The following SDK1 variants were observed in gnomAD, a reference collection of about 807,000 sequenced individuals.
SDK1 encodes the protein sidekick cell adhesion molecule 1.
Under a neutral mutation model 245.5 loss-of-function variants are expected in SDK1, and 157 were observed. That is an observed-to-expected ratio of 0.64 (90% CI 0.56 to 0.73). SDK1 has a LOEUF of 0.73. Ranked by LOEUF, SDK1 falls within the 30% of genes least tolerant of loss-of-function variation. The pLI, the probability that SDK1 is intolerant of heterozygous loss-of-function variation, is 0.00. For synonymous variants in SDK1, 1,647 were observed against 1,278.5 expected, an observed-to-expected ratio of 1.29 and a Z score of -6.15; for missense variants, 3,583 against 3,002.3, an observed-to-expected ratio of 1.19 and a Z score of -4.52.
Position 3,642,042 on chromosome 7 carries a change from G to C in SDK1, c.650G>C (p.Ser217Thr). 1.2e-6 allele frequency: 2 copies of C among 1,614,134 alleles called. No individual in the cohort carries two copies. The highest frequency in any genetic ancestry group is 1.3e-5 in the African/African-American group (1 of 75,050). ...ATTCTAAACCTGCTGCCCATCACCAGCTACCCCAGACCTCAAGTGACTTGG... is the reference window on the plus strand; with the variant it reads ...ATTCTAAACCTGCTGCCCATCACCACCTACCCCAGACCTCAAGTGACTTGG... ...AAILNLLPIT[S>T]YPRPQVTWFR... The change falls in exon 4 of 45, where the codon AGC becomes ACC. Residue 217 changes from serine (S) to threonine (T), a missense_variant. Ser to Thr is a moderately conservative substitution (Grantham distance 58, BLOSUM62 1). Coordinates refer to ENST00000404826, the MANE Select transcript of SDK1 (RefSeq NM_152744.4).
chr7:3,982,691 T>A (rs1259473169), intron 13 of SDK1, among the ~76,000 whole-genome samples: 2 of 151,994 alleles, frequency 1.3e-5, no homozygotes. Flanking sequence ...ATACAAAAAA[T>A]TAGCCGGGCT....
chr7:3,752,409 T>C (rs10232141), intron 4 of SDK1, among the ~76,000 whole-genome samples: 54,823 of 152,064 alleles, frequency 0.36, 12,086 homozygotes, highest in African/African-American at 0.63. Context: ...TAATGCCATC[T>C]GACCTCAAGA....
At chr7:3,536,774 T>A (rs1203350298) in intron 1 of SDK1, among the ~76,000 whole-genome samples, 1 of 152,162 alleles carries the variant, frequency 6.6e-6, no homozygotes, top group African/African-American at 2.4e-5. Context: ...TAACAATACT[T>A]GTATTCGTTG....
intron 4 of SDK1, among the ~76,000 whole-genome samples, chr7:3,665,355 T>C (rs1206299779): frequency 6.6e-6 from 1 of 152,240 alleles, no homozygotes; most frequent in African/African-American, 2.4e-5. Flanking sequence ...AGAGAAAACT[T>C]GCATGAATCT....
At chr7:4,232,659 T>C (rs969775948) in intron 40 of SDK1, among the ~76,000 whole-genome samples, 13 of 151,974 alleles carry the variant, frequency 8.6e-5, no homozygotes, top group African/African-American at 2.9e-4. Flanking sequence ...TATATATGTT[T>C]CCCTGTGTTG....
chr7:3,316,569 A>T (rs1779667202), intron 1 of SDK1, among the ~76,000 whole-genome samples: 1 of 152,200 alleles, frequency 6.6e-6, no homozygotes, highest in African/African-American at 2.4e-5. Flanking sequence ...TTGGAGCATT[A>T]TGTATATATG....
intron 13 of SDK1, among the ~76,000 whole-genome samples, chr7:3,981,442 C>T (rs565861863): frequency 2.0e-5 from 3 of 150,222 alleles, no homozygotes; most frequent in African/African-American, 7.3e-5. Flanking sequence ...GAGGGTTGTA[C>T]GTCTCTCACT....
At chr7:3,915,065 T>A (rs1188710824) in intron 5 of SDK1, among the ~76,000 whole-genome samples, 2 of 152,202 alleles carry the variant, frequency 1.3e-5, no homozygotes, top group Non-Finnish European at 1.5e-5. Context: ...ATTATTCTCT[T>A]GTACGGCCGT....
At chr7:3,391,156 G>A (rs1781738654) in intron 1 of SDK1, among the ~76,000 whole-genome samples, 1 of 152,152 alleles carries the variant, frequency 6.6e-6, no homozygotes, top group Non-Finnish European at 1.5e-5. Context: ...GACAAAAATG[G>A]ACTAGAAGGA....
chr7:3,769,640 C>G (rs987052151), intron 4 of SDK1, among the ~76,000 whole-genome samples: 8 of 152,066 alleles, frequency 5.3e-5, no homozygotes, highest in African/African-American at 1.9e-4. Context: ...ACTGGAATAT[C>G]AGGACCAGGA....
chr7:3,316,549 T>C (rs1779666854), intron 1 of SDK1, among the ~76,000 whole-genome samples: 1 of 152,208 alleles, frequency 6.6e-6, no homozygotes, highest in South Asian at 2.1e-4. Flanking sequence ...CAATATAATA[T>C]AAATGTAAAT....
intron 4 of SDK1, among the ~76,000 whole-genome samples, chr7:3,762,996 C>T (rs193099318): frequency 9.2e-5 from 14 of 152,172 alleles, no homozygotes; most frequent in South Asian, 6.2e-4. Context: ...TTGCTTGGCA[C>T]GTGATAGGAA....
chr7:4,060,102 C>CG (rs1779440094), intron 19 of SDK1, among the ~76,000 whole-genome samples: 1 of 151,980 alleles, frequency 6.6e-6, no homozygotes, highest in Non-Finnish European at 1.5e-5. Flanking sequence ...AGGATGGTCT[C>CG]GATCTCCTGA....
rs556631325 is a variant in SDK1 at position 3,702,280 on chromosome 7, A to G, written c.713+60175A>G. Among the ~76,000 whole-genome samples the G allele has an allele frequency of 7.9e-5, 12 of 152,366 alleles. 1 individual carries two copies. Among genetic ancestry groups the G allele is most frequent in the South Asian group, 6.2e-4 (3 of 4,830 alleles). Reference sequence around the variant, plus strand: ...CATAAAGATTTCTCAAAATTCTACAATTAAAAAAATCTAATGCTAAAATGG... The same window carrying G: ...CATAAAGATTTCTCAAAATTCTACAGTTAAAAAAATCTAATGCTAAAATGG... On this transcript the variant is annotated intron_variant, in intron 4 of 44. Transcript: ENST00000404826.
intron 5 of SDK1, among the ~76,000 whole-genome samples, chr7:3,853,145 T>TG (rs1780459934): frequency 6.6e-6 from 1 of 150,568 alleles, no homozygotes; most frequent in Non-Finnish European, 1.5e-5. Context: ...CACACTTGGT[T>TG]GAAAAAAAAA....
intron 13 of SDK1, among the ~76,000 whole-genome samples, chr7:3,981,173 A>C (rs1347546985): frequency 6.6e-6 from 1 of 152,130 alleles, no homozygotes; most frequent in African/African-American, 2.4e-5. Flanking sequence ...CTTTGTCACT[A>C]TGATTGTATC....
chr7:3,584,270 T>G (rs913326254), intron 1 of SDK1, among the ~76,000 whole-genome samples: 1 of 152,074 alleles, frequency 6.6e-6, no homozygotes, highest in Non-Finnish European at 1.5e-5. Flanking sequence ...GACCATGAGA[T>G]CTATTTGAAT....
chr7:3,712,138 C>G (rs894711763), intron 4 of SDK1, among the ~76,000 whole-genome samples: 2 of 152,102 alleles, frequency 1.3e-5, no homozygotes, highest in African/African-American at 4.8e-5. Flanking sequence ...GGCTGCACAG[C>G]AGGAGGCGCA....
At chr7:3,481,115 T>C (rs1781509216) in intron 1 of SDK1, among the ~76,000 whole-genome samples, 6 of 152,206 alleles carry the variant, frequency 3.9e-5, no homozygotes, top group Admixed American at 3.9e-4. Context: ...ATTTTTACCA[T>C]TTTATTTTGT....
Sources: gnomAD v4.1 joint callset for allele counts (sites outside exome capture counted in the v4.1 genomes callset) on GRCh38, gnomAD v4.1.1 for gene constraint, MANE v1.5 for transcripts, NCBI Gene and HGNC (gene_info 2026-07-23, HGNC 2026-07-21) for gene names.